Variants in CSNK2A2IP observed in about 807,000 individuals in gnomAD.
CSNK2A2IP encodes the protein casein kinase 2 subunit alpha' interacting protein, also known as casein kinase II subunit alpha'-interacting protein.
the CSNK2A2IP span, among the ~76,000 whole-genome samples, chr3:88,463,724 C>T: frequency 7.9e-5 from 12 of 152,122 alleles, no homozygotes; most frequent in East Asian, 2.3e-3. Flanking sequence ...CTAGTTCAAC[C>T]ATTGTGGAAG....
the CSNK2A2IP span, among the ~76,000 whole-genome samples, chr3:88,364,478 A>G: frequency 1.3e-5 from 2 of 152,128 alleles, no homozygotes; most frequent in African/African-American, 4.8e-5. Flanking sequence ...GAGTATAAAA[A>G]TATAAGGGAA....
chr3:88,361,220 A>G, the CSNK2A2IP span, among the ~76,000 whole-genome samples: 1 of 152,108 alleles, frequency 6.6e-6, no homozygotes, highest in Non-Finnish European at 1.5e-5. Flanking sequence ...ATACCTTCAG[A>G]TAATTTCTTT....
chr3:88,405,812 G>A, the CSNK2A2IP span, among the ~76,000 whole-genome samples: 3 of 151,918 alleles, frequency 2.0e-5, no homozygotes, highest in South Asian at 2.1e-4. Context: ...TGCCTATTAC[G>A]TGATTAGCAC....
the CSNK2A2IP span, among the ~76,000 whole-genome samples, chr3:88,460,947 CGTG>C: frequency 6.6e-6 from 1 of 151,888 alleles, no homozygotes; most frequent in African/African-American, 2.4e-5. Flanking sequence ...ATTAGCTGGG[CGTG>C]GTGGTGCATG....
At chr3:88,342,796 G>C in the CSNK2A2IP span, among the ~76,000 whole-genome samples, 6 of 151,580 alleles carry the variant, frequency 4.0e-5, no homozygotes, top group Non-Finnish European at 8.8e-5. Context: ...TACTTTTGTA[G>C]GTTGATAATT....
the CSNK2A2IP span, among the ~76,000 whole-genome samples, chr3:88,423,646 C>A: frequency 6.6e-6 from 1 of 152,144 alleles, no homozygotes; most frequent in African/African-American, 2.4e-5. Flanking sequence ...GAGCAGAACA[C>A]GAGTCTGATC....
chr3:88,394,697 T>TC, the CSNK2A2IP span, among the ~76,000 whole-genome samples: 12 of 152,360 alleles, frequency 7.9e-5, no homozygotes, highest in African/African-American at 2.9e-4. Context: ...CTAAGATGGC[T>TC]AATGATATTG....
At chr3:88,339,445 T>C in the CSNK2A2IP span, among the ~76,000 whole-genome samples, 2,525 of 152,228 alleles carry the variant, frequency 0.017, 87 homozygotes, top group African/African-American at 0.058. Context: ...ATTTGTCCAC[T>C]GATGAACACA....
chr3:88,365,481 A>C, the CSNK2A2IP span, among the ~76,000 whole-genome samples: 6 of 152,140 alleles, frequency 3.9e-5, no homozygotes, highest in Admixed American at 3.9e-4. Context: ...GGGACACCTC[A>C]TTTTATGGGT....
the CSNK2A2IP span, among the ~76,000 whole-genome samples, chr3:88,368,570 T>C: frequency 6.6e-6 from 1 of 151,996 alleles, no homozygotes; most frequent in Non-Finnish European, 1.5e-5. Flanking sequence ...AGAATGCCAG[T>C]ATGATTTCCT....
chr3:88,357,298 T>G, the CSNK2A2IP span, among the ~76,000 whole-genome samples: 1 of 152,066 alleles, frequency 6.6e-6, no homozygotes, highest in Admixed American at 6.6e-5. Context: ...GAGATAGGGG[T>G]TTAGTTTCAT....
the CSNK2A2IP span, among the ~76,000 whole-genome samples, chr3:88,419,440 T>C: frequency 6.6e-6 from 1 of 152,220 alleles, no homozygotes; most frequent in Non-Finnish European, 1.5e-5. Context: ...ATGATTTCAT[T>C]ATTTTTTATG....
At chr3:88,400,532 T>C in the CSNK2A2IP span, among the ~76,000 whole-genome samples, 1 of 152,206 alleles carries the variant, frequency 6.6e-6, no homozygotes, top group African/African-American at 2.4e-5. Context: ...TGGATTATCA[T>C]AGTGGACCTA....
the CSNK2A2IP span, among the ~76,000 whole-genome samples, chr3:88,347,560 A>G: frequency 1.2e-3 from 189 of 152,194 alleles, 1 homozygote; most frequent in Non-Finnish European, 2.3e-3. Flanking sequence ...TTTTAGCAAT[A>G]AAGTGTTTTA....
At chr3:88,370,236 T>C in the CSNK2A2IP span, among the ~76,000 whole-genome samples, 5,738 of 151,954 alleles carry the variant, frequency 0.038, 370 homozygotes, top group African/African-American at 0.13. Flanking sequence ...ACAGGTGCCA[T>C]AGTAAACTAT....
the CSNK2A2IP span, among the ~76,000 whole-genome samples, chr3:88,347,651 A>G: frequency 6.6e-6 from 1 of 152,068 alleles, no homozygotes; most frequent in Non-Finnish European, 1.5e-5. Context: ...TTTTGTATGT[A>G]CTGAGAAACC....
At chr3:88,357,438 T>C in the CSNK2A2IP span, among the ~76,000 whole-genome samples, 1 of 152,172 alleles carries the variant, frequency 6.6e-6, no homozygotes, top group African/African-American at 2.4e-5. Flanking sequence ...GGTTCTATTT[T>C]GTGTCTGCTT....
At chr3:88,394,949 G>T in the CSNK2A2IP span, among the ~76,000 whole-genome samples, 5 of 152,032 alleles carry the variant, frequency 3.3e-5, no homozygotes, top group African/African-American at 1.2e-4. Context: ...TTAACATCTG[G>T]GTGATAATCT....
the CSNK2A2IP span, among the ~76,000 whole-genome samples, chr3:88,453,719 G>C: frequency 6.6e-6 from 1 of 151,984 alleles, no homozygotes; most frequent in Non-Finnish European, 1.5e-5. Flanking sequence ...TTTTATACCA[G>C]CTTTATGTCT....
Sources: gnomAD v4.1 joint callset for allele counts (sites outside exome capture counted in the v4.1 genomes callset) on GRCh38, gnomAD v4.1.1 for gene constraint, MANE v1.5 for transcripts, NCBI Gene and HGNC (gene_info 2026-07-23, HGNC 2026-07-21) for gene names.